Variants in ARHGEF33 observed in about 807,000 individuals in gnomAD.
The protein encoded by ARHGEF33 is Rho guanine nucleotide exchange factor 33.
In ARHGEF33, 72 loss-of-function variants were observed where a neutral mutation model predicts 101.9. The ratio of observed to expected loss-of-function variants is 0.71; its 90% CI spans 0.58 to 0.86. The LOEUF is 0.86. Among genes scored for constraint, ARHGEF33 ranks in the 40% least tolerant of loss-of-function variants. ARHGEF33 has a pLI of 0.00. For synonymous variants in ARHGEF33, 499 were observed against 442.5 expected, an observed-to-expected ratio of 1.13 and a Z score of -1.60; for missense variants, 1,169 against 1,111.3, an observed-to-expected ratio of 1.05 and a Z score of -0.74.
chr2:38,947,411 G>T (rs1041461002), intron 10 of ARHGEF33, among the ~76,000 whole-genome samples: 1 of 152,144 alleles, frequency 6.6e-6, no homozygotes, highest in Non-Finnish European at 1.5e-5. Context: ...TAGAGACAAG[G>T]TCTCTGTCTG....
intron 4 of ARHGEF33, among the ~76,000 whole-genome samples, chr2:38,924,453 AT>A (rs1454402762): frequency 6.6e-6 from 1 of 152,184 alleles, no homozygotes; most frequent in Non-Finnish European, 1.5e-5. Flanking sequence ...TTATGATCCC[AT>A]TAACATGAGA....
chr2:38,953,332 C>A, intron 12 of ARHGEF33, 87 bp downstream of exon 12: 3 of 794,200 alleles, frequency 3.8e-6, no homozygotes, highest in Non-Finnish European at 4.3e-6. Flanking sequence ...ACAGCGCATG[C>A]ACTGTGCTTT....
chr2:38,971,549 G>C (rs1228326909), intron 17 of ARHGEF33, among the ~76,000 whole-genome samples: 1 of 152,146 alleles, frequency 6.6e-6, no homozygotes, highest in Non-Finnish European at 1.5e-5. Context: ...GGTATGCAAG[G>C]TATGCACTAC....
chr2:38,960,359 G>A lies in ARHGEF33; in HGVS notation c.2054G>A (p.Gly685Asp). 3 of 1,529,178 alleles carry A rather than the reference G, an allele frequency of 2.0e-6. No homozygotes were observed. The highest frequency in any genetic ancestry group is 2.6e-6 in the Non-Finnish European group (3 of 1,142,168). 94.7% of individuals were successfully genotyped at this position (1,529,178 alleles called of 1,614,324 possible). A position where few individuals can be genotyped will look rare whatever the true frequency, so the allele number is the denominator to read the frequency against. ...CCCAAGAGCGCTACGTCGCCGGCGG[G>A]CAGCAGCAGCGCCTACAAACTGGAG... Reference protein sequence around the residue: ...PLPKSATSPAGSSSAYKLEAA... With the variant: ...PLPKSATSPADSSSAYKLEAA... The change falls in exon 16 of 18, where the codon GGC (glycine) becomes GAC (aspartate). Residue 685 changes from glycine to aspartate, a missense_variant. Transcript: ENST00000409978.
At chr2:38,938,689 A>G (rs995290313) in intron 9 of ARHGEF33, among the ~76,000 whole-genome samples, 1 of 152,142 alleles carries the variant, frequency 6.6e-6, no homozygotes, top group Non-Finnish European at 1.5e-5. Flanking sequence ...AAGATATACA[A>G]TATTTCTGTG....
At chr2:38,938,651 T>A (rs528618664) in intron 9 of ARHGEF33, among the ~76,000 whole-genome samples, 1 of 152,336 alleles carries the variant, frequency 6.6e-6, no homozygotes, top group African/African-American at 2.4e-5. Flanking sequence ...TTTACATGTG[T>A]CTATCCCCTG....
intron 10 of ARHGEF33, among the ~76,000 whole-genome samples, chr2:38,947,518 C>A (rs1478068689): frequency 6.6e-6 from 1 of 152,224 alleles, no homozygotes; most frequent in Non-Finnish European, 1.5e-5. Flanking sequence ...GCATCCCCAG[C>A]TGGGATTACA....
intron 1 of ARHGEF33, 61 bp downstream of exon 1, chr2:38,890,047 A>T: frequency 2.7e-6 from 1 of 367,620 alleles, no homozygotes; most frequent in South Asian, 2.2e-5. Flanking sequence ...TTTATAAGAG[A>T]TGAAAACCCA....
chr2:38,965,454 G>C (rs1668032546), intron 16 of ARHGEF33, among the ~76,000 whole-genome samples: 1 of 152,228 alleles, frequency 6.6e-6, no homozygotes, highest in Admixed American at 6.5e-5. Context: ...TTTTCAGGTT[G>C]AAAGTATTAG....
chr2:38,971,110 G>A (rs1305927500), intron 17 of ARHGEF33, among the ~76,000 whole-genome samples: 2 of 152,174 alleles, frequency 1.3e-5, no homozygotes, highest in Admixed American at 6.5e-5. Flanking sequence ...CTTTCAAGGA[G>A]GATAGTCTTT....
rs1667870228 is a variant in ARHGEF33, at chr2:38,959,919, C to T, written c.1614C>T (p.Asp538=). The change falls in exon 16 of 18, where the codon GAC becomes GAT. Residue 538 remains aspartate, a synonymous_variant. Coordinates refer to ENST00000409978, the MANE Select transcript of ARHGEF33 (RefSeq NM_001145451.5). ...MESMQPGKPS[D]WELEGRKHER... is the part of the protein sequence containing the mutation. ...GCATGCAGCCCGGGAAGCCCAGTGACTGGGAGCTGGAGGGCAGGAAGCACG... is the reference window on the plus strand; with the variant it reads ...GCATGCAGCCCGGGAAGCCCAGTGATTGGGAGCTGGAGGGCAGGAAGCACG... 1.3e-6 allele frequency: 2 copies of T among 1,551,860 alleles called. No homozygotes were observed. Among genetic ancestry groups the T allele is most frequent in the African/African-American group, 2.7e-5 (2 of 73,176 alleles).
At chr2:38,930,466 GTCTCCT>G (rs998017691) in intron 6 of ARHGEF33, among the ~76,000 whole-genome samples, 12 of 151,524 alleles carry the variant, frequency 7.9e-5, no homozygotes, top group African/African-American at 2.7e-4. Flanking sequence ...TCCCACCTCA[GTCTCCT>G]GAGTAGCTGG....
At position 38,973,854 on chromosome 2, in the gene ARHGEF33, A is replaced by T; in HGVS notation, c.*11A>T. The T allele has an allele frequency of 6.5e-7, 1 of 1,540,188 alleles. No individual in the cohort carries two copies. Among genetic ancestry groups the T allele is most frequent in the Non-Finnish European group, 8.8e-7 (1 of 1,142,020 alleles). ...GGAACAGCTGTGTAAAACATACTTA[A>T]AGTTGTATTGTCAAGTGGTAAGATG... On this transcript the variant is annotated 3_prime_UTR_variant, in exon 18 of 18. Coordinates refer to ENST00000409978, the MANE Select transcript of ARHGEF33 (RefSeq NM_001145451.5).
chr2:38,950,504 T>G (rs979133249), intron 10 of ARHGEF33, among the ~76,000 whole-genome samples: 1 of 152,202 alleles, frequency 6.6e-6, no homozygotes, highest in African/African-American at 2.4e-5. Context: ...CAGGCTGGGG[T>G]GAAGTGGCGT....
intron 10 of ARHGEF33, among the ~76,000 whole-genome samples, chr2:38,945,937 G>A (rs902436481): frequency 5.9e-5 from 9 of 152,150 alleles, no homozygotes; most frequent in South Asian, 2.1e-4. Context: ...CAAGCCTGCC[G>A]GACCCTGTAG....
intron 16 of ARHGEF33, 46 bp from the exon 17 acceptor site, chr2:38,965,960 A>C: frequency 3.2e-6 from 5 of 1,545,676 alleles, no homozygotes; most frequent in Non-Finnish European, 4.4e-6. Context: ...GATCCATAAT[A>C]ACATTGGAAG....
At chr2:38,931,923 C>G (rs954929129) in intron 7 of ARHGEF33, among the ~76,000 whole-genome samples, 1 of 152,120 alleles carries the variant, frequency 6.6e-6, no homozygotes, top group African/African-American at 2.4e-5. Flanking sequence ...AGAAAGTCCT[C>G]AAAAGAAAGA....
Position 38,956,956 on chromosome 2 carries a change from G to A in ARHGEF33, c.1279G>A (p.Val427Ile), listed in dbSNP as rs1334974688. Residue 427 changes from valine (V) to isoleucine (I), a missense_variant, in exon 14 of 18, where the codon GTC becomes ATC. Coordinates refer to ENST00000409978, the MANE Select transcript of ARHGEF33 (RefSeq NM_001145451.5). ...HPDYYLLLVCVQRLRVFISHY... is the reference protein window; with the variant it reads ...HPDYYLLLVCIQRLRVFISHY... ...TGACTATTATCTACTACTGGTGTGT[G>A]TCCAGCGCCTCCGAGTATTTATCTC... 4.5e-6 allele frequency: 7 copies of A among 1,552,210 alleles called. No homozygotes were observed. Among genetic ancestry groups the A allele is most frequent in the Non-Finnish European group, 5.2e-6 (6 of 1,147,130 alleles).
At chr2:38,917,402 T>G (rs187993449) in intron 2 of ARHGEF33, among the ~76,000 whole-genome samples, 208 of 152,118 alleles carry the variant, frequency 1.4e-3, no homozygotes, top group African/African-American at 4.8e-3. Context: ...CATAATGAAG[T>G]CTTAAATCAA....
Sources: allele counts gnomAD v4.1 joint callset (sites outside exome capture counted in the v4.1 genomes callset), GRCh38; gene constraint gnomAD v4.1.1; transcripts MANE v1.5; gene names NCBI Gene and HGNC (gene_info 2026-07-23, HGNC 2026-07-21).